Variants in ZMAT3 observed in about 807,000 individuals in gnomAD.
The protein encoded by ZMAT3 is zinc finger matrin-type protein 3.
In ZMAT3, 17 loss-of-function variants were observed where a neutral mutation model predicts 32.3. The observed-to-expected ratio is 0.53, with a 90% confidence interval of 0.36 to 0.79. The LOEUF is 0.79. Ranked by LOEUF, ZMAT3 falls within the 30% of genes least tolerant of loss-of-function variation. ZMAT3 has a pLI of 0.00. For synonymous variants in ZMAT3, 120 were observed against 133.1 expected, an observed-to-expected ratio of 0.90 and a Z score of 0.68; for missense variants, 329 against 359.7, an observed-to-expected ratio of 0.91 and a Z score of 0.69.
chr3:179,055,992 C>T (rs938253587), intron 2 of ZMAT3, among the ~76,000 whole-genome samples: 1 of 152,092 alleles, frequency 6.6e-6, no homozygotes, highest in African/African-American at 2.4e-5. Context: ...TGCTAACTTG[C>T]GTGCTAGAAG....
At chr3:179,029,353 GGAC>G (rs778163688) in intron 3 of ZMAT3, among the ~76,000 whole-genome samples, 12 of 151,922 alleles carry the variant, frequency 7.9e-5, no homozygotes, top group Non-Finnish European at 1.2e-4. Flanking sequence ...TCAGGGCCTG[GGAC>G]TAAAATGAAG....
chr3:179,031,933 CT>C, intron 2 of ZMAT3, among the ~76,000 whole-genome samples: 1 of 10,404 alleles, frequency 9.6e-5, no homozygotes, highest in Non-Finnish European at 1.7e-4. Flanking sequence ...AACTCTCCCT[CT>C]CCCTCCCCCT....
intron 2 of ZMAT3, among the ~76,000 whole-genome samples, 179 bp downstream of exon 2, chr3:179,067,304 G>T (rs571131198): frequency 1.3e-5 from 2 of 152,338 alleles, no homozygotes; most frequent in South Asian, 4.1e-4. Flanking sequence ...TCTACAAAAA[G>T]TGATACTTAT....
intron 2 of ZMAT3, among the ~76,000 whole-genome samples, chr3:179,060,285 G>T (rs1721086425): frequency 6.6e-6 from 1 of 151,536 alleles, no homozygotes; most frequent in South Asian, 2.1e-4. Flanking sequence ...AATAAAGCTA[G>T]AAAAATAAAA....
At chr3:179,044,675 A>T (rs1425276639) in intron 2 of ZMAT3, among the ~76,000 whole-genome samples, 2 of 152,164 alleles carry the variant, frequency 1.3e-5, no homozygotes, top group Non-Finnish European at 1.5e-5. Flanking sequence ...TGTGACACAT[A>T]TACACCATGG....
At chr3:179,040,330 G>C (rs140732004) in intron 2 of ZMAT3, among the ~76,000 whole-genome samples, 5 of 152,324 alleles carry the variant, frequency 3.3e-5, no homozygotes, top group African/African-American at 4.8e-5. Flanking sequence ...GGCAGCCAGA[G>C]AGAAAGGTCG....
intron 2 of ZMAT3, among the ~76,000 whole-genome samples, chr3:179,057,042 T>G (rs1720883423): frequency 6.6e-6 from 1 of 152,094 alleles, no homozygotes; most frequent in Non-Finnish European, 1.5e-5. Context: ...CAGTTCAAGT[T>G]AAACTAAAGG....
chr3:179,037,207 T>C (rs1719642498), intron 2 of ZMAT3, among the ~76,000 whole-genome samples: 1 of 152,142 alleles, frequency 6.6e-6, no homozygotes, highest in Non-Finnish European at 1.5e-5. Flanking sequence ...TTCACTGAGC[T>C]GCGGGTGGTG....
intron 2 of ZMAT3, among the ~76,000 whole-genome samples, chr3:179,060,776 G>A (rs892467467): frequency 1.3e-5 from 2 of 152,066 alleles, no homozygotes; most frequent in African/African-American, 2.4e-5. Context: ...ATCATTGTCA[G>A]ATCTCAGACT....
chr3:179,060,137 A>G (rs981096223), intron 2 of ZMAT3, among the ~76,000 whole-genome samples: 1 of 152,074 alleles, frequency 6.6e-6, no homozygotes, highest in Non-Finnish European at 1.5e-5. Flanking sequence ...ATTTCACTCT[A>G]TTAAATCTTG....
Position 179,030,925 on chromosome 3 carries a change from A to G in ZMAT3, c.345T>C (p.Asn115=). The change falls in exon 3 of 6, where the codon AAT becomes AAC. Residue 115 remains asparagine (N), a synonymous_variant. Coordinates refer to ENST00000311417, the MANE Select transcript of ZMAT3 (RefSeq NM_022470.4). ...CTGGAGTAGCTGCAGGCTCGACCAC[A>G]TTGCTCATTCTAGCAGGAGGAGGAC... ...NSCPPPARMS[N]VVEPAATPVV... 1 of 1,613,870 alleles carries G rather than the reference A, an allele frequency of 6.2e-7. No individual in the cohort carries two copies. The highest frequency in any genetic ancestry group is 8.5e-7 in the Non-Finnish European group (1 of 1,179,894).
chr3:179,036,406 T>C (rs1016916130), intron 2 of ZMAT3, among the ~76,000 whole-genome samples: 1 of 152,114 alleles, frequency 6.6e-6, no homozygotes, highest in African/African-American at 2.4e-5. Context: ...ATGTGGATGG[T>C]ATTTAAAGCT....
intron 2 of ZMAT3, among the ~76,000 whole-genome samples, chr3:179,050,960 C>CA (rs1381559793): frequency 1.3e-5 from 2 of 152,132 alleles, no homozygotes; most frequent in Non-Finnish European, 2.9e-5. Context: ...AAACCCTCAG[C>CA]AAAATCAGCA....
chr3:179,060,303 A>C (rs1414472356), intron 2 of ZMAT3, among the ~76,000 whole-genome samples: 2 of 152,144 alleles, frequency 1.3e-5, no homozygotes, highest in Non-Finnish European at 2.9e-5. Flanking sequence ...AAAAAGAATC[A>C]ATCAAGCAGA....
chr3:179,055,457 C>T (rs191358361), intron 2 of ZMAT3, among the ~76,000 whole-genome samples: 32 of 151,964 alleles, frequency 2.1e-4, no homozygotes, highest in Admixed American at 2.1e-3. Context: ...CCTCAGAGTC[C>T]ACCTCCCTAC....
In ZMAT3 at chr3:179,023,705, TA is replaced by T. The variant is rs1718678742; in HGVS notation, c.*1311del. 5 of 18,754 alleles carry T rather than the reference TA, an allele frequency of 2.7e-4. No homozygotes were observed. The highest frequency in any genetic ancestry group is 5.0e-4 in the African/African-American group (2 of 4,002). The allele number at this position is 18,754 out of a possible 1,614,324, so 1.2% of individuals were successfully genotyped here. A position where few individuals can be genotyped will look rare whatever the true frequency, so the allele number is the denominator to read the frequency against. On this transcript the variant is annotated 3_prime_UTR_variant, in exon 6 of 6. Coordinates refer to ENST00000311417, the MANE Select transcript of ZMAT3 (RefSeq NM_022470.4). ...CTGCTGGAAAATATATCTATATATA[TA>T]TATATTTTTTTTTTTTTTTTTTTTT...
chr3:179,053,905 G>C (rs923336452), intron 2 of ZMAT3, among the ~76,000 whole-genome samples: 1 of 152,104 alleles, frequency 6.6e-6, no homozygotes, highest in African/African-American at 2.4e-5. Context: ...ACTAGAACCA[G>C]GGAAAGGCCA....
In ZMAT3 at chr3:179,021,798, A is replaced by G. The variant is rs1718558730; in HGVS notation, c.*3219T>C. 6.6e-6 allele frequency: 1 copy of G among 152,246 alleles called. No individual in the cohort carries two copies. The highest frequency in any genetic ancestry group is 2.1e-4 in the South Asian group (1 of 4,830). The allele number at this position is 152,246 out of a possible 1,614,324, so 9.4% of individuals were successfully genotyped here. On this transcript the variant is annotated 3_prime_UTR_variant, in exon 6 of 6. Coordinates refer to ENST00000311417, the MANE Select transcript of ZMAT3 (RefSeq NM_022470.4). Reference sequence around the variant, plus strand: ...GAATATGAGAAATTGTACCATGCAGAGATGTATCTATTTAGGCATTTCCTG... The same window carrying G: ...GAATATGAGAAATTGTACCATGCAGGGATGTATCTATTTAGGCATTTCCTG...
rs1276821904 is a variant in ZMAT3 at position 179,021,870 on chromosome 3, G to T, written c.*3147C>A. 6.6e-6 allele frequency: 1 copy of T among 152,178 alleles called. No homozygotes were observed. The highest frequency in any genetic ancestry group is 2.4e-5 in the African/African-American group (1 of 41,452). 9.4% of individuals were successfully genotyped at this position (152,178 alleles called of 1,614,324 possible). A position where few individuals can be genotyped will look rare whatever the true frequency, so the allele number is the denominator to read the frequency against. ...TTGTTTTCACCTATGGAACAGAGAAGAATACTGCAAGGTAACAAGCTCAAA... is the reference window on the plus strand; with the variant it reads ...TTGTTTTCACCTATGGAACAGAGAATAATACTGCAAGGTAACAAGCTCAAA... On this transcript the variant is annotated 3_prime_UTR_variant, in exon 6 of 6. Coordinates refer to ENST00000311417, the MANE Select transcript of ZMAT3 (RefSeq NM_022470.4).
Sources: gnomAD v4.1 joint callset for allele counts (sites outside exome capture counted in the v4.1 genomes callset) on GRCh38, gnomAD v4.1.1 for gene constraint, MANE v1.5 for transcripts, NCBI Gene and HGNC (gene_info 2026-07-23, HGNC 2026-07-21) for gene names.